MGRN1: variants seen among roughly 807,000 people sequenced by gnomAD.
MGRN1 encodes mahogunin ring finger 1.
MGRN1 carries 29 observed loss-of-function variants against 69.2 expected under a neutral mutation model. The observed-to-expected ratio is 0.42, with a 90% CI of 0.31 to 0.57. MGRN1 has a LOEUF of 0.57. Among genes scored for constraint, MGRN1 ranks in the 20% least tolerant of loss-of-function variants. The pLI is 0.15. For missense variants in MGRN1, 998 were observed against 796.2 expected, an observed-to-expected ratio of 1.25 and a Z score of -3.05; for synonymous variants, 470 against 344.2, an observed-to-expected ratio of 1.37 and a Z score of -4.04.
At chr16:4,673,692 C>T (rs779336313) in intron 10 of MGRN1, 35 bp downstream of exon 10, 1 of 1,607,356 alleles carries the variant, frequency 6.2e-7, no homozygotes, top group Non-Finnish European at 8.5e-7. Context: ...GTGGAAGGTT[C>T]TGGAAATTAG....
chr16:4,683,128 G>A (rs2079226580), intron 14 of MGRN1, 96 bp from the exon 15 acceptor site: 3 of 1,550,624 alleles, frequency 1.9e-6, no homozygotes, highest in South Asian at 1.1e-5. Flanking sequence ...TGGAGCGGCT[G>A]TGCGGTCCCG....
At chr16:4,628,209 A>T (rs1224955637) in intron 1 of MGRN1, among the ~76,000 whole-genome samples, 5 of 151,452 alleles carry the variant, frequency 3.3e-5, no homozygotes, top group African/African-American at 1.2e-4. Context: ...ACACGGTGAA[A>T]CCCCATGTCT....
intron 1 of MGRN1, among the ~76,000 whole-genome samples, chr16:4,642,148 A>G (rs1168821491): frequency 7.4e-6 from 1 of 134,596 alleles, no homozygotes; most frequent in Non-Finnish European, 1.5e-5. Flanking sequence ...TTTTTTTTTA[A>G]AAAAGACCGT....
Position 4,665,094 on chromosome 16 carries a change from C to T in MGRN1, c.629-8C>T. The T allele has an allele frequency of 6.2e-7, 1 of 1,614,168 alleles. No individual in the cohort carries two copies. Among genetic ancestry groups the T allele is most frequent in the Non-Finnish European group, 8.5e-7 (1 of 1,180,028 alleles). ...ACTCTGACTACTCTGCCCCTCTCTC[C>T]CCAGCAGTGGTGGAAGTGACTGGCC... On this transcript the variant is annotated splice_region_variant and splice_polypyrimidine_tract_variant and intron_variant, in intron 6 of 16. Coordinates refer to ENST00000262370, the MANE Select transcript of MGRN1 (RefSeq NM_015246.4).
At position 4,677,474 on chromosome 16, in the gene MGRN1, C is replaced by G. The variant is rs1469001183; in HGVS notation, c.967C>G (p.Leu323Val). 1 of 1,566,668 alleles carries G rather than the reference C, an allele frequency of 6.4e-7. No individual in the cohort carries two copies. Among genetic ancestry groups the G allele is most frequent in the Non-Finnish European group, 8.6e-7 (1 of 1,160,236 alleles). ...TCCTTCTGCCGCAGCTTTCCGGGCC[C>G]TCCTGCAGATCCGGGCGGTGCGGAA... Reference protein sequence around the residue: ...CPICRLPFRALLQIRAVRKKP... With the variant: ...CPICRLPFRAVLQIRAVRKKP... The change falls in exon 11 of 17, where the codon CTC becomes GTC. Residue 323 changes from leucine (L) to valine (V), a missense_variant. Physicochemically the swap from Leu to Val is conservative, Grantham distance 32. Coordinates refer to ENST00000262370, the MANE Select transcript of MGRN1 (RefSeq NM_015246.4).
intron 1 of MGRN1, among the ~76,000 whole-genome samples, chr16:4,626,737 G>A (rs1173344611): frequency 6.6e-6 from 1 of 152,180 alleles, no homozygotes; most frequent in Non-Finnish European, 1.5e-5. Context: ...CCCGCTTCGG[G>A]ATCCCACTGT....
At chr16:4,666,694 T>G (rs2078813319) in intron 7 of MGRN1, among the ~76,000 whole-genome samples, 1 of 152,160 alleles carries the variant, frequency 6.6e-6, no homozygotes, top group Non-Finnish European at 1.5e-5. Context: ...GTCCTGCTGC[T>G]CCTTCCGCCA....
At chr16:4,660,311 G>A (rs1359631882) in intron 5 of MGRN1, among the ~76,000 whole-genome samples, 1 of 152,214 alleles carries the variant, frequency 6.6e-6, no homozygotes, top group Non-Finnish European at 1.5e-5. Flanking sequence ...GGCCACGAGG[G>A]GTCCGTGATC....
intron 11 of MGRN1, among the ~76,000 whole-genome samples, chr16:4,678,696 C>T (rs994308721): frequency 3.9e-5 from 6 of 152,232 alleles, no homozygotes; most frequent in African/African-American, 1.4e-4. Flanking sequence ...CTGCTCCCCA[C>T]TGGCCACGCG....
intron 8 of MGRN1, among the ~76,000 whole-genome samples, chr16:4,670,185 C>T (rs1299963136): frequency 6.6e-6 from 1 of 152,078 alleles, no homozygotes; most frequent in Admixed American, 6.6e-5. Flanking sequence ...CGTTCAGGCT[C>T]CCAAGTAGCT....
chr16:4,646,940 C>T (rs535857853), intron 1 of MGRN1, among the ~76,000 whole-genome samples: 1 of 152,312 alleles, frequency 6.6e-6, no homozygotes, highest in East Asian at 1.9e-4. Flanking sequence ...GGGACAAGCC[C>T]GCTCCTGAGT....
At chr16:4,668,425 A>G (rs2078854951) in intron 8 of MGRN1, 113 bp downstream of exon 8, 17 of 1,053,398 alleles carry the variant, frequency 1.6e-5, no homozygotes, top group Non-Finnish European at 2.4e-5. Context: ...ATATACTCAT[A>G]CACGCTCATA....
chr16:4,626,998 G>T (rs1897711763), intron 1 of MGRN1, among the ~76,000 whole-genome samples: 1 of 152,106 alleles, frequency 6.6e-6, no homozygotes, highest in South Asian at 2.1e-4. Flanking sequence ...TCTTCTCTTT[G>T]TTCATCTCTT....
chr16:4,638,946 A>C (rs1299507720), intron 1 of MGRN1, among the ~76,000 whole-genome samples: 2 of 152,106 alleles, frequency 1.3e-5, no homozygotes, highest in Admixed American at 6.5e-5. Context: ...GGGTGTCTTC[A>C]TTCACATCCT....
intron 1 of MGRN1, among the ~76,000 whole-genome samples, chr16:4,632,012 T>C (rs1675027621): frequency 7.7e-6 from 1 of 130,686 alleles, no homozygotes. Flanking sequence ...ATTTCCTTTT[T>C]TTTTTTTTTT....
At chr16:4,657,177 G>A (rs1191666361) in intron 4 of MGRN1, 69 bp from the exon 5 acceptor site, 3 of 1,438,452 alleles carry the variant, frequency 2.1e-6, no homozygotes, top group East Asian at 2.3e-5. Context: ...AGCTGTCGGA[G>A]TGGGAGGGAC....
At position 4,683,263 on chromosome 16, in the gene MGRN1, C is replaced by T; in HGVS notation, c.1522C>T (p.Gln508Ter). ...AGAGGTTGATGAGTCGTCGTCACCA[C>T]AGCAAGGTGAGCGCCTCCTTCCATG... ...TEEVDESSSPQQGTRAASIEN... is the reference protein window; with the variant it reads ...TEEVDESSSP Residue 508 changes from glutamine (Q) to a stop codon, truncating the protein, a stop_gained, in exon 15 of 17, where the codon CAG becomes TAG. Transcript: ENST00000262370. LOFTEE classifies it high-confidence loss of function. The T allele has an allele frequency of 6.2e-7, 1 of 1,613,816 alleles. No homozygotes were observed. Among genetic ancestry groups the T allele is most frequent in the Non-Finnish European group, 8.5e-7 (1 of 1,179,980 alleles).
chr16:4,686,508 G>A, intron 16 of MGRN1: 2 of 1,380,300 alleles, frequency 1.4e-6, no homozygotes, highest in South Asian at 1.8e-5. Flanking sequence ...GGGGGGTCCT[G>A]ACTTTCGGGG....
chr16:4,640,381 T>C (rs2078132306), intron 1 of MGRN1: 1 of 152,276 alleles, frequency 6.6e-6, no homozygotes, highest in African/African-American at 2.4e-5. Flanking sequence ...GTTCGGGGAA[T>C]GCCTCGAGGC....
Sources: allele counts gnomAD v4.1 joint callset (sites outside exome capture counted in the v4.1 genomes callset), GRCh38; gene constraint gnomAD v4.1.1; transcripts MANE v1.5; gene names NCBI Gene and HGNC (gene_info 2026-07-23, HGNC 2026-07-21).